The following HDAC9 variants were observed in gnomAD, a reference collection of about 807,000 sequenced individuals.
HDAC9 encodes the protein histone deacetylase 9.
In HDAC9, 41 loss-of-function variants were observed where a neutral mutation model predicts 139.4. The observed-to-expected ratio is 0.29, with a 90% CI of 0.23 to 0.38. The LOEUF (loss-of-function observed/expected upper bound fraction) is 0.38, where lower values mean the gene tolerates loss of function less well. HDAC9 is among the 10% of genes least tolerant of loss of function. HDAC9 has a pLI of 1.00. For synonymous variants in HDAC9, 517 were observed against 476.2 expected, an observed-to-expected ratio of 1.09 and a Z score of -1.12; for missense variants, 1,147 against 1,297.0, an observed-to-expected ratio of 0.88 and a Z score of 1.78.
At chr7:18,576,644 G>A (rs1826027682) in intron 2 of HDAC9, among the ~76,000 whole-genome samples, 2 of 139,926 alleles carry the variant, frequency 1.4e-5, no homozygotes, top group Non-Finnish European at 3.0e-5. Flanking sequence ...CTGTCAGAGT[G>A]AGACTTCATG....
At chr7:18,274,342 A>G (rs1796577866) in intron 2 of HDAC9, among the ~76,000 whole-genome samples, 1 of 152,190 alleles carries the variant, frequency 6.6e-6, no homozygotes, top group Non-Finnish European at 1.5e-5. Context: ...ATAGAAGGTA[A>G]GCAGGCATGT....
At position 18,208,615 on chromosome 7, in the gene HDAC9, A is replaced by G. The variant is rs189613448; in HGVS notation, c.25+46266A>G. 7.0e-3 allele frequency among the ~76,000 whole-genome samples: 1,064 copies of G among 152,236 alleles called. 17 individuals are homozygous for G. Among genetic ancestry groups the G allele is most frequent in the African/African-American group, 0.025 (1,028 of 41,568 alleles). On this transcript the variant is annotated intron_variant, in intron 2 of 12. Transcript: ENST00000417496. Reference sequence around the variant, plus strand: ...GGTCTCCAACTCTTGGACTCAAGCAATCCACCTGCCTCTGCCTCCAAAAGT... The same window carrying G: ...GGTCTCCAACTCTTGGACTCAAGCAGTCCACCTGCCTCTGCCTCCAAAAGT...
At chr7:18,566,634 T>C (rs577152970) in intron 2 of HDAC9, among the ~76,000 whole-genome samples, 3 of 152,318 alleles carry the variant, frequency 2.0e-5, no homozygotes, top group South Asian at 2.1e-4. Context: ...CCAGGATCCA[T>C]AGACGTGGAC....
intron 1 of HDAC9, among the ~76,000 whole-genome samples, chr7:18,090,056 T>C (rs1296348472): frequency 2.0e-5 from 3 of 152,210 alleles, no homozygotes; most frequent in Admixed American, 6.5e-5. Context: ...TACAATTGTT[T>C]CCCAGTTTGT....
At chr7:18,312,156 C>CT (rs1377487123) in intron 1 of HDAC9, among the ~76,000 whole-genome samples, 6 of 152,174 alleles carry the variant, frequency 3.9e-5, no homozygotes, top group African/African-American at 1.4e-4. Context: ...CAGACATATT[C>CT]TTTCCCTGGT....
At chr7:18,584,483 A>G (rs1024743358) in intron 2 of HDAC9, among the ~76,000 whole-genome samples, 22 of 152,160 alleles carry the variant, frequency 1.4e-4, no homozygotes, top group Non-Finnish European at 2.5e-4. Context: ...TATATCTATT[A>G]TCTAATTTAA....
At chr7:18,299,991 A>G (rs549859228) in intron 1 of HDAC9, among the ~76,000 whole-genome samples, 1 of 152,282 alleles carries the variant, frequency 6.6e-6, no homozygotes, top group East Asian at 1.9e-4. Context: ...TTGAGGTCCT[A>G]AGAGACATTA....
At chr7:18,576,099 G>C (rs73062346) in intron 2 of HDAC9, among the ~76,000 whole-genome samples, 9,446 of 152,244 alleles carry the variant, frequency 0.062, 347 homozygotes, top group East Asian at 0.09. Context: ...TGGGGGAAAG[G>C]TTTTAGGAAG....
intron 1 of HDAC9, among the ~76,000 whole-genome samples, chr7:18,482,434 C>T (rs1047397007): frequency 2.5e-5 from 3 of 119,108 alleles, no homozygotes; most frequent in Non-Finnish European, 5.0e-5. Flanking sequence ...TTGGCTGCCA[C>T]GTCTCAGGGA....
intron 25 of HDAC9, among the ~76,000 whole-genome samples, chr7:18,994,630 TA>T (rs1405224216): frequency 6.6e-6 from 1 of 152,238 alleles, no homozygotes; most frequent in African/African-American, 2.4e-5. Flanking sequence ...AAGGATGCTT[TA>T]AAAATTTTTG....
intron 2 of HDAC9, among the ~76,000 whole-genome samples, chr7:18,164,312 A>AAG (rs1562695079): frequency 1.3e-5 from 2 of 152,242 alleles, no homozygotes; most frequent in African/African-American, 4.8e-5. Context: ...ATAAAAAAAA[A>AAG]TTTTCTCCTG....
intron 1 of HDAC9, among the ~76,000 whole-genome samples, chr7:18,154,232 A>C (rs553132671): frequency 6.6e-6 from 1 of 152,326 alleles, no homozygotes; most frequent in African/African-American, 2.4e-5. Context: ...GTGAAAGATT[A>C]AAGTAAACAT....
intron 1 of HDAC9, among the ~76,000 whole-genome samples, chr7:18,129,663 C>T (rs1784885473): frequency 6.6e-6 from 1 of 152,142 alleles, no homozygotes; most frequent in East Asian, 1.9e-4. Flanking sequence ...TTGTAAGACA[C>T]TGGTTGTGGT....
intron 13 of HDAC9, among the ~76,000 whole-genome samples, chr7:18,737,178 A>G (rs1450203701): frequency 6.6e-6 from 1 of 152,144 alleles, no homozygotes; most frequent in Non-Finnish European, 1.5e-5. Flanking sequence ...ATCTTTTCAA[A>G]AAACCAGCTC....
At chr7:18,542,334 T>G (rs557810765) in intron 2 of HDAC9, among the ~76,000 whole-genome samples, 1 of 152,286 alleles carries the variant, frequency 6.6e-6, no homozygotes, top group East Asian at 1.9e-4. Context: ...TACCTCAATT[T>G]CCTCATCTCT....
intron 1 of HDAC9, among the ~76,000 whole-genome samples, chr7:18,298,499 T>A (rs1228176176): frequency 6.6e-6 from 1 of 152,090 alleles, no homozygotes; most frequent in East Asian, 1.9e-4. Flanking sequence ...GTGATCTCAT[T>A]GTTCAATTCC....
At chr7:18,619,639 G>A (rs1198255344) in intron 6 of HDAC9, among the ~76,000 whole-genome samples, 1 of 152,184 alleles carries the variant, frequency 6.6e-6, no homozygotes, top group Non-Finnish European at 1.5e-5. Context: ...ATTTGAGCCT[G>A]TCTACATTCT....
intron 8 of HDAC9, among the ~76,000 whole-genome samples, chr7:18,636,256 G>T (rs1783850537): frequency 6.6e-6 from 1 of 152,060 alleles, no homozygotes; most frequent in South Asian, 2.1e-4. Flanking sequence ...ACATTGATTA[G>T]TTGACTGCCC....
chr7:18,894,320 C>G (rs959068258), intron 22 of HDAC9, among the ~76,000 whole-genome samples: 1 of 152,116 alleles, frequency 6.6e-6, no homozygotes, highest in Non-Finnish European at 1.5e-5. Context: ...TTGGGACACT[C>G]TAACATTATG....
Sources: gnomAD v4.1 joint callset for allele counts (sites outside exome capture counted in the v4.1 genomes callset) on GRCh38, gnomAD v4.1.1 for gene constraint, MANE v1.5 for transcripts, NCBI Gene and HGNC (gene_info 2026-07-23, HGNC 2026-07-21) for gene names.